KIF13B: variants seen among roughly 807,000 people sequenced by gnomAD.
The protein encoded by KIF13B is kinesin family member 13B.
Under a neutral mutation model 222.0 loss-of-function variants are expected in KIF13B, and 127 were observed. That is an observed-to-expected ratio of 0.57 (90% CI 0.50 to 0.66). KIF13B has a LOEUF of 0.66. Among genes scored for constraint, KIF13B ranks in the 30% least tolerant of loss-of-function variants. The probability of loss-of-function intolerance (pLI) is 0.00; values close to 1 mark genes in which losing one functional copy is unlikely to be tolerated. For synonymous variants in KIF13B, 976 were observed against 919.0 expected (o/e 1.06, Z -1.12); for missense variants, 2,173 against 2,379.0 (o/e 0.91, Z 1.80).
intron 2 of KIF13B, among the ~76,000 whole-genome samples, chr8:29,210,071 A>T (rs1170793483): frequency 6.6e-6 from 1 of 151,992 alleles, no homozygotes; most frequent in African/African-American, 2.4e-5. Context: ...GAGAAAAAAA[A>T]AAAGGATCCT....
chr8:29,224,833 A>G (rs931621779), intron 2 of KIF13B, among the ~76,000 whole-genome samples: 4 of 152,254 alleles, frequency 2.6e-5, no homozygotes, highest in African/African-American at 7.2e-5. Flanking sequence ...GCCTGCATCT[A>G]TATCACTTTT....
intron 24 of KIF13B, 84 bp downstream of exon 24, chr8:29,130,449 T>C (rs1001104429): frequency 3.6e-6 from 5 of 1,373,948 alleles, no homozygotes; most frequent in African/African-American, 2.9e-5. Flanking sequence ...GATTTCATTA[T>C]TGCCAACATT....
chr8:29,174,043 T>C (rs1488859995), intron 10 of KIF13B, among the ~76,000 whole-genome samples: 1 of 152,072 alleles, frequency 6.6e-6, no homozygotes, highest in Non-Finnish European at 1.5e-5. Flanking sequence ...TATGTAAACA[T>C]AGTAATATAA....
At chr8:29,116,601 A>T (rs979728968) in intron 31 of KIF13B, among the ~76,000 whole-genome samples, 4 of 152,312 alleles carry the variant, frequency 2.6e-5, no homozygotes, top group African/African-American at 9.6e-5. Flanking sequence ...AATAACCATA[A>T]TTTGTGAATC....
At chr8:29,106,569 T>C (rs1809078509) in intron 35 of KIF13B, among the ~76,000 whole-genome samples, 1 of 142,386 alleles carries the variant, frequency 7.0e-6, no homozygotes, top group Non-Finnish European at 1.5e-5. Flanking sequence ...GAGGCAGAAG[T>C]TGCAGTGAGC....
intron 2 of KIF13B, among the ~76,000 whole-genome samples, chr8:29,211,272 C>A (rs1053012325): frequency 3.9e-5 from 6 of 152,214 alleles, no homozygotes; most frequent in African/African-American, 1.4e-4. Context: ...CATGATAGAA[C>A]AACTGGTTCT....
At position 29,109,531 on chromosome 8, in the gene KIF13B, C is replaced by T; in HGVS notation, c.4084-20G>A. ...AACTTCCTGTGAATCAGAAAACATA[C>T]AGAGGAAAAAGACATGTAAGAGACA... On this transcript the variant is annotated intron_variant, in intron 33 of 39. Coordinates refer to ENST00000524189, the MANE Select transcript of KIF13B (RefSeq NM_015254.4). 6.2e-7 allele frequency: 1 copy of T among 1,607,096 alleles called. No homozygotes were observed. Among genetic ancestry groups the T allele is most frequent in the Non-Finnish European group, 8.5e-7 (1 of 1,173,724 alleles).
intron 31 of KIF13B, among the ~76,000 whole-genome samples, chr8:29,115,508 T>G (rs982129185): frequency 6.6e-6 from 1 of 151,984 alleles, no homozygotes; most frequent in African/African-American, 2.4e-5. Context: ...GTAGTTTTAG[T>G]AGAGACAGGG....
chr8:29,194,290 G>GT lies in KIF13B; in HGVS notation c.162+1896dup, dbSNP rs10581359. Among the ~76,000 whole-genome samples the GT allele has an allele frequency of 1.4e-3, 199 of 142,248 alleles. 1 individual carries two copies. Among genetic ancestry groups the GT allele is most frequent in the Middle Eastern group, 3.6e-3 (1 of 280 alleles). 93.3% of individuals were successfully genotyped at this position (142,248 alleles called of 152,430 possible). ...GCACTCTCCTCTCCATTATTATTGG[G>GT]TTTTTTTTTTTTTTTTACTTGTCTT... is the stretch of plus-strand genomic sequence containing the variant. On this transcript the variant is annotated intron_variant, in intron 3 of 39. Coordinates refer to ENST00000524189, the MANE Select transcript of KIF13B (RefSeq NM_015254.4).
chr8:29,263,219 C>A, upstream of KIF13B: 1 of 549,748 alleles, frequency 1.8e-6, no homozygotes, highest in South Asian at 2.4e-5. Flanking sequence ...CCAGGGTCGT[C>A]GTGGGCGGGG....
intron 12 of KIF13B, among the ~76,000 whole-genome samples, chr8:29,163,259 T>C (rs1258204446): frequency 2.0e-5 from 3 of 152,196 alleles, no homozygotes; most frequent in Non-Finnish European, 4.4e-5. Context: ...CAACAGGGAC[T>C]AAAACTATAC....
At chr8:29,258,447 C>A (rs1816564974) in intron 1 of KIF13B, among the ~76,000 whole-genome samples, 1 of 152,174 alleles carries the variant, frequency 6.6e-6, no homozygotes, top group African/African-American at 2.4e-5. Context: ...TACAAGGTCC[C>A]AAGAAGCAAA....
intron 2 of KIF13B, among the ~76,000 whole-genome samples, chr8:29,211,803 C>A (rs56338636): frequency 0.12 from 18,250 of 152,176 alleles, 1,248 homozygotes; most frequent in South Asian, 0.15. Flanking sequence ...TTGCTAATTG[C>A]TACAATTGCT....
intron 37 of KIF13B, among the ~76,000 whole-genome samples, chr8:29,076,529 A>G (rs1807567637): frequency 6.6e-6 from 1 of 152,090 alleles, no homozygotes. Context: ...CGCGAGCCAC[A>G]CCGCCCAGGC....
chr8:29,226,925 T>C (rs1340688437), intron 2 of KIF13B, among the ~76,000 whole-genome samples: 1 of 152,216 alleles, frequency 6.6e-6, no homozygotes, highest in East Asian at 1.9e-4. Context: ...CTGCTCAAGG[T>C]CATCACCAAG....
In KIF13B at chr8:29,200,034, C is replaced by CAAT. The variant is rs985360056; in HGVS notation, c.150-3838_150-3836dup. ...TAAGACAAACAACAAGTATGAAATT[C>CAAT]AATAACATATGACACATAGCAGAAG... On this transcript the variant is annotated intron_variant, in intron 2 of 39. Coordinates refer to ENST00000524189, the MANE Select transcript of KIF13B (RefSeq NM_015254.4). Among the ~76,000 whole-genome samples the CAAT allele has an allele frequency of 9.2e-5, 14 of 152,142 alleles. No homozygotes were observed. In the South Asian group the frequency reaches 2.7e-3, roughly 29 times the overall value.
At chr8:29,260,008 T>G (rs574930579) in intron 1 of KIF13B, among the ~76,000 whole-genome samples, 54 of 152,252 alleles carry the variant, frequency 3.5e-4, no homozygotes, top group African/African-American at 1.2e-3. Flanking sequence ...ATGTGAACTT[T>G]TTTCTTTTTC....
At chr8:29,099,571 G>A (rs1486630133) in intron 35 of KIF13B, among the ~76,000 whole-genome samples, 2 of 152,076 alleles carry the variant, frequency 1.3e-5, no homozygotes, top group Admixed American at 6.6e-5. Context: ...GAGACGGGAT[G>A]TCACTATGTT....
intron 12 of KIF13B, among the ~76,000 whole-genome samples, 193 bp from the exon 13 acceptor site, chr8:29,161,060 T>C (rs1811755160): frequency 6.6e-6 from 1 of 152,252 alleles, no homozygotes; most frequent in African/African-American, 2.4e-5. Flanking sequence ...TCTAATTTTA[T>C]TTTGAAAAAT....
Sources: gnomAD v4.1 joint callset for allele counts (sites outside exome capture counted in the v4.1 genomes callset) on GRCh38, gnomAD v4.1.1 for gene constraint, MANE v1.5 for transcripts, NCBI Gene and HGNC (gene_info 2026-07-23, HGNC 2026-07-21) for gene names.